The following ROBO2 variants were observed in gnomAD, a reference collection of about 807,000 sequenced individuals.
ROBO2 encodes roundabout guidance receptor 2.
A neutral mutation model predicts 160.8 loss-of-function variants in ROBO2; 53 were observed. The ratio of observed to expected loss-of-function variants is 0.33; its 90% confidence interval spans 0.26 to 0.41. ROBO2 has a LOEUF of 0.41. ROBO2 is among the 10% of genes least tolerant of loss of function. The probability of loss-of-function intolerance (pLI) is 1.00; values close to 1 mark genes in which losing one functional copy is unlikely to be tolerated. For missense variants in ROBO2, 1,577 were observed against 1,722.4 expected (o/e 0.92, Z 1.49); for synonymous variants, 664 against 611.7 (o/e 1.09, Z -1.26).
At chr3:77,165,636 A>G (rs1259520594) in intron 2 of ROBO2, among the ~76,000 whole-genome samples, 1 of 152,112 alleles carries the variant, frequency 6.6e-6, no homozygotes, top group Non-Finnish European at 1.5e-5. Flanking sequence ...TAACTCCTAT[A>G]TTTTTGTAAA....
chr3:75,987,569 T>G (rs568424586), intron 2 of ROBO2, among the ~76,000 whole-genome samples: 1 of 152,066 alleles, frequency 6.6e-6, no homozygotes, highest in East Asian at 1.9e-4. Flanking sequence ...ATTTCACTGG[T>G]TAGGACTTTC....
At chr3:77,481,199 C>G in exon 4 of ROBO2, 1 of 1,577,716 alleles carries the variant, frequency 6.3e-7, no homozygotes, top group Admixed American at 1.8e-5. Context: ...GACAGTGACC[C>G]AGCAGAGCTG....
At chr3:76,774,212 A>T (rs1022204622) in intron 2 of ROBO2, among the ~76,000 whole-genome samples, 2 of 150,980 alleles carry the variant, frequency 1.3e-5, no homozygotes, top group African/African-American at 4.8e-5. Context: ...TCGACTGTGT[A>T]TTTCTAATGT....
intron 2 of ROBO2, among the ~76,000 whole-genome samples, chr3:77,005,657 G>C (rs996463452): frequency 6.6e-6 from 1 of 152,152 alleles, no homozygotes; most frequent in East Asian, 1.9e-4. Flanking sequence ...AGGTTGTAAG[G>C]AAACAAGGCT....
intron 2 of ROBO2, among the ~76,000 whole-genome samples, chr3:76,772,523 T>TC (rs897471690): frequency 6.7e-6 from 1 of 149,888 alleles, no homozygotes; most frequent in Non-Finnish European, 1.5e-5. Flanking sequence ...TTTTCTTTTT[T>TC]TTTTTTTTAA....
chr3:76,506,987 T>A (rs2080832132), intron 2 of ROBO2, among the ~76,000 whole-genome samples: 1 of 152,316 alleles, frequency 6.6e-6, no homozygotes, highest in African/African-American at 2.4e-5. Context: ...TATAAAAATA[T>A]ATGAATTTAA....
At chr3:76,576,295 GC>G (rs1186394038) in intron 2 of ROBO2, among the ~76,000 whole-genome samples, 3 of 152,086 alleles carry the variant, frequency 2.0e-5, no homozygotes, top group African/African-American at 7.2e-5. Context: ...CTTCTTCAGA[GC>G]CATGGGCGGC....
At chr3:76,809,930 C>T (rs1362848501) in intron 2 of ROBO2, among the ~76,000 whole-genome samples, 1 of 151,404 alleles carries the variant, frequency 6.6e-6, no homozygotes, top group Non-Finnish European at 1.5e-5. Flanking sequence ...GTAAAAAAAA[C>T]TAGAATATGG....
intron 2 of ROBO2, among the ~76,000 whole-genome samples, chr3:76,647,337 C>T (rs1374149092): frequency 6.6e-6 from 1 of 152,142 alleles, no homozygotes; most frequent in Non-Finnish European, 1.5e-5. Flanking sequence ...GCCCTTCCTC[C>T]TCTAGCCTTT....
chr3:77,440,987 T>C (rs1186912291), intron 2 of ROBO2, among the ~76,000 whole-genome samples: 1 of 152,084 alleles, frequency 6.6e-6, no homozygotes, highest in African/African-American at 2.4e-5. Context: ...CCTAATTCTG[T>C]TTACAATTCC....
intron 1 of ROBO2, 90 bp downstream of exon 1, chr3:77,040,936 A>C: frequency 6.6e-7 from 1 of 1,511,114 alleles, no homozygotes; most frequent in Non-Finnish European, 9.2e-7. Context: ...TGGGTTATAA[A>C]TGAAATGACA....
intron 2 of ROBO2, among the ~76,000 whole-genome samples, chr3:77,326,674 C>T (rs954785347): frequency 6.6e-6 from 1 of 152,038 alleles, no homozygotes; most frequent in African/African-American, 2.4e-5. Flanking sequence ...TTGTGATTCT[C>T]TAATTCGAGC....
chr3:77,537,096 T>TTG (rs1289412537), intron 6 of ROBO2, among the ~76,000 whole-genome samples: 20 of 69,394 alleles, frequency 2.9e-4, no homozygotes, highest in African/African-American at 6.8e-4. Context: ...TATACATATT[T>TTG]TGTGGGGGGG....
chr3:76,066,941 A>G (rs1353663726), intron 2 of ROBO2, among the ~76,000 whole-genome samples: 1 of 152,130 alleles, frequency 6.6e-6, no homozygotes, highest in Non-Finnish European at 1.5e-5. Context: ...GAAGGCAGCA[A>G]TTTCTTTTCA....
chr3:77,493,006 T>C (rs1186453023), intron 4 of ROBO2, among the ~76,000 whole-genome samples: 1 of 152,170 alleles, frequency 6.6e-6, no homozygotes, highest in African/African-American at 2.4e-5. Context: ...AATTTAATAT[T>C]TTTTTCCAAA....
intron 2 of ROBO2, among the ~76,000 whole-genome samples, chr3:77,146,319 G>A (rs1356031597): frequency 2.0e-5 from 3 of 152,130 alleles, no homozygotes; most frequent in Admixed American, 6.6e-5. Flanking sequence ...TCTGTCAGCC[G>A]TGGGTCATTA....
At chr3:77,327,606 G>A (rs2065539749) in intron 2 of ROBO2, among the ~76,000 whole-genome samples, 1 of 152,152 alleles carries the variant, frequency 6.6e-6, no homozygotes, top group Admixed American at 6.5e-5. Context: ...AATGCCCAAT[G>A]ACAATAGGCA....
At chr3:76,472,098 TGTGCGC>T (rs370194452) in intron 2 of ROBO2, among the ~76,000 whole-genome samples, 4,250 of 110,230 alleles carry the variant, frequency 0.039, 71 homozygotes, top group Middle Eastern at 0.089. Flanking sequence ...TGTGTGTGTG[TGTGCGC>T]GTGTGCGTGC....
intron 2 of ROBO2, among the ~76,000 whole-genome samples, chr3:76,555,358 G>GGAAGAAGAAGAAGAAGAAGAAGAAGA (rs1201244951): frequency 2.9e-4 from 17 of 57,980 alleles, no homozygotes; most frequent in African/African-American, 8.8e-4. Flanking sequence ...AGTAGGAAGA[G>GGAAGAAGAAGAAGAAGAAGAAGAAGA]AGAAGAAGAA....
Sources: allele counts gnomAD v4.1 joint callset (sites outside exome capture counted in the v4.1 genomes callset), GRCh38; gene constraint gnomAD v4.1.1; transcripts MANE v1.5; gene names NCBI Gene and HGNC (gene_info 2026-07-23, HGNC 2026-07-21).